The following MOV10 variants were observed in gnomAD, a reference collection of about 807,000 sequenced individuals.
The protein encoded by MOV10 is Mov10 RNA helicase.
In MOV10, 39 loss-of-function variants were observed where a neutral mutation model predicts 108.4. That is an observed-to-expected ratio of 0.36 (90% CI 0.28 to 0.47). The LOEUF (loss-of-function observed/expected upper bound fraction) is 0.47, where lower values mean the gene tolerates loss of function less well. Among genes scored for constraint, MOV10 ranks in the 20% least tolerant of loss-of-function variants. MOV10 has a pLI of 1.00. For synonymous variants in MOV10, 490 were observed against 523.1 expected (o/e 0.94, Z 0.86); for missense variants, 952 against 1,297.6 (o/e 0.73, Z 4.09).
Position 112,698,714 on chromosome 1 carries a change from G to C in MOV10, c.2509-1G>C, listed in dbSNP as rs1342877477. 6.2e-7 allele frequency: 1 copy of C among 1,614,024 alleles called. No individual in the cohort carries two copies. Among genetic ancestry groups the C allele is most frequent in the Admixed American group, 1.7e-5 (1 of 60,022 alleles). On this transcript the variant is annotated splice_acceptor_variant, in intron 16 of 20. Transcript: ENST00000369645. LOFTEE classifies it high-confidence loss of function. ...GAAAGGCACCTGTCCCCTCCTTCCA[G>C]GTGGAGAAAATCCGTTACTGCATCA...
At position 112,685,854 on chromosome 1, in the gene MOV10, T is replaced by C. The variant is rs147984044; in HGVS notation, c.138-3081T>C. On this transcript the variant is annotated intron_variant, in intron 2 of 20. Coordinates refer to ENST00000369645, the MANE Select transcript of MOV10 (RefSeq NM_001321324.2). ...AGTGATGAGAGACATAGAGAATAATTTGAGAAATATTTAGGGATAGCATCT... is the reference window on the plus strand; with the variant it reads ...AGTGATGAGAGACATAGAGAATAATCTGAGAAATATTTAGGGATAGCATCT... Among the ~76,000 whole-genome samples the C allele has an allele frequency of 8.2e-3, 1,243 of 152,176 alleles. 13 individuals carry two copies. The highest frequency in any genetic ancestry group is 0.027 in the African/African-American group (1,113 of 41,526).
chr1:112,697,019 T>C (rs1570806998), intron 14 of MOV10, among the ~76,000 whole-genome samples, 173 bp downstream of exon 14: 1 of 152,224 alleles, frequency 6.6e-6, no homozygotes, highest in African/African-American at 2.4e-5. Context: ...CTGCTTGTTG[T>C]CTGCGTGACT....
Position 112,682,924 on chromosome 1 carries a change from T to TG in MOV10, c.138-6011_138-6010insG, listed in dbSNP as rs1379288818. On this transcript the variant is annotated intron_variant, in intron 2 of 20. Coordinates refer to ENST00000369645, the MANE Select transcript of MOV10 (RefSeq NM_001321324.2). Reference sequence around the variant, plus strand: ...TGAATGAAGCTCCTAGGAACATCTTTTTTTTTTTTTTTTGAGACGGAGTCT... The same window carrying TG: ...TGAATGAAGCTCCTAGGAACATCTTTGTTTTTTTTTTTTTGAGACGGAGTCT... Among the ~76,000 whole-genome samples, 3 of 150,276 alleles carry TG rather than the reference T, an allele frequency of 2.0e-5. No homozygotes were observed. In the East Asian group the frequency reaches 5.8e-4, roughly 29 times the overall value.
intron 7 of MOV10, chr1:112,693,758 C>A (rs762096928): frequency 2.2e-5 from 7 of 323,250 alleles, no homozygotes; most frequent in Non-Finnish European, 4.1e-5. Flanking sequence ...CTGAGCTGGC[C>A]AAGAGGGCAG....
Position 112,696,878 on chromosome 1 carries a change from T to G in MOV10, c.2198+32T>G, listed in dbSNP as rs202200340. On this transcript the variant is annotated intron_variant, in intron 14 of 20. Coordinates refer to ENST00000369645, the MANE Select transcript of MOV10 (RefSeq NM_001321324.2). The stretch of plus-strand genomic sequence containing the variant: ...CCATGCCCTTGCCTCCCCTGCCATA[T>G]CCTATGCTTTCACATCCTGCATGCA... The G allele has an allele frequency of 5.6e-5, 86 of 1,528,884 alleles. 1 individual carries two copies. The East Asian group carries it at 7.4e-4, about 13-fold the overall frequency. 94.7% of individuals were successfully genotyped at this position (1,528,884 alleles called of 1,614,324 possible).
At chr1:112,693,917 C>A in intron 7 of MOV10, 101 bp from the exon 8 acceptor site, 1 of 1,010,608 alleles carries the variant, frequency 9.9e-7, no homozygotes. Context: ...GTTAGAAGGC[C>A]AGTCTCAGTC....
At position 112,691,549 on chromosome 1, in the gene MOV10, T is replaced by A; in HGVS notation, c.837-116T>A. On this transcript the variant is annotated intron_variant, in intron 5 of 20. Transcript: ENST00000369645. ...TAGTCCACCCTTGGAGCGAGGCTGCTGACTTCCCTTCAGCAGTAGGATTGC... is the reference window on the plus strand; with the variant it reads ...TAGTCCACCCTTGGAGCGAGGCTGCAGACTTCCCTTCAGCAGTAGGATTGC... 6 of 1,345,106 alleles carry A rather than the reference T, an allele frequency of 4.5e-6. No individual in the cohort carries two copies. The South Asian group carries it at 8.6e-5, about 19-fold the overall frequency. 83.3% of individuals were successfully genotyped at this position (1,345,106 alleles called of 1,614,324 possible). A position where few individuals can be genotyped will look rare whatever the true frequency, so the allele number is the denominator to read the frequency against.
At chr1:112,698,863 G>A (rs1674360736) in intron 17 of MOV10, 74 bp downstream of exon 17, 6 of 1,303,012 alleles carry the variant, frequency 4.6e-6, no homozygotes, top group Non-Finnish European at 6.7e-6. Flanking sequence ...ACTTCCTCAA[G>A]CTTCCACTCC....
chr1:112,686,252 G>A (rs1673072728), intron 2 of MOV10, among the ~76,000 whole-genome samples: 2 of 152,204 alleles, frequency 1.3e-5, no homozygotes, highest in South Asian at 4.1e-4. Context: ...TGAAAGGGCT[G>A]CAAGGATCAA....
At chr1:112,679,748 A>G (rs1404172603) in intron 2 of MOV10, among the ~76,000 whole-genome samples, 1 of 152,146 alleles carries the variant, frequency 6.6e-6, no homozygotes, top group Non-Finnish European at 1.5e-5. Flanking sequence ...AGAGAAATGC[A>G]CAGTTTAAAA....
At chr1:112,693,818 G>A (rs576978404) in intron 7 of MOV10, 200 bp from the exon 8 acceptor site, 16 of 517,720 alleles carry the variant, frequency 3.1e-5, no homozygotes, top group South Asian at 1.5e-4. Context: ...GGGCAGCTTC[G>A]GAGGATTTGT....
At chr1:112,684,418 C>T (rs778123841) in intron 2 of MOV10, among the ~76,000 whole-genome samples, 22 of 152,012 alleles carry the variant, frequency 1.4e-4, no homozygotes, top group Non-Finnish European at 2.9e-4. Flanking sequence ...GAGGTGCCTG[C>T]CACCATGCCC....
chr1:112,694,146 C>T lies in MOV10; in HGVS notation c.1269C>T (p.Asp423=), dbSNP rs1673844485. ...GCTTTGTGCACAAGGTGGAATTGGACCGTGTCAAGCTGAGCTTTTCCATGA... is the reference window on the plus strand; with the variant it reads ...GCTTTGTGCACAAGGTGGAATTGGATCGTGTCAAGCTGAGCTTTTCCATGA... ...YKGFVHKVEL[D]RVKLSFSMSL... is the part of the protein sequence containing the mutation. The change falls in exon 8 of 21, where the codon GAC becomes GAT. Residue 423 remains aspartate (D), a synonymous_variant. Transcript: ENST00000369645. This position sits in a 1 kb window ranked among gnomAD's most constrained non-coding sequence, Gnocchi z 4.1. 6.2e-7 allele frequency: 1 copy of T among 1,614,104 alleles called. No homozygotes were observed. The highest frequency in any genetic ancestry group is 8.5e-7 in the Non-Finnish European group (1 of 1,180,000).
chr1:112,699,552 A>C, intron 17 of MOV10, 133 bp from the exon 18 acceptor site: 1 of 1,511,594 alleles, frequency 6.6e-7, no homozygotes, highest in East Asian at 2.3e-5. Flanking sequence ...GCCGTGTCGC[A>C]GCACTGGTTC....
chr1:112,681,684 A>G (rs914757361), intron 2 of MOV10, among the ~76,000 whole-genome samples: 1 of 151,970 alleles, frequency 6.6e-6, no homozygotes, highest in Non-Finnish European at 1.5e-5. Context: ...CCTTACCTAG[A>G]TTTCTTTTAA....
intron 5 of MOV10, 55 bp downstream of exon 5, chr1:112,690,153 C>A (rs1673455924): frequency 1.1e-5 from 17 of 1,586,970 alleles, no homozygotes; most frequent in Non-Finnish European, 1.3e-5. Context: ...ACCACATGGG[C>A]CAGGGCTTTG....
chr1:112,689,112 A>G lies in MOV10; in HGVS notation c.315A>G (p.Ser105=), dbSNP rs770210302. ...CAGATATCAGCAAACACCACAAGTCACTGCTAGCCAAGATCTTTTATGACA... is the reference window on the plus strand; with the variant it reads ...CAGATATCAGCAAACACCACAAGTCGCTGCTAGCCAAGATCTTTTATGACA... The part of the protein sequence containing the change: ...LGSDISKHHK[S]LLAKIFYDRA... Residue 105 remains serine (S), a synonymous_variant, in exon 3 of 21, where the codon TCA becomes TCG. Transcript: ENST00000369645. 1 of 1,608,108 alleles carries G rather than the reference A, an allele frequency of 6.2e-7. No homozygotes were observed. Among genetic ancestry groups the G allele is most frequent in the Admixed American group, 1.7e-5 (1 of 59,072 alleles).
intron 19 of MOV10, 43 bp downstream of exon 19, chr1:112,700,025 CCT>C: frequency 3.7e-6 from 6 of 1,610,940 alleles, no homozygotes; most frequent in Non-Finnish European, 4.2e-6. Flanking sequence ...GGCCACAGCC[CCT>C]GCCTAGGGCA....
At chr1:112,692,646 T>C in intron 6 of MOV10, 115 bp from the exon 7 acceptor site, 1 of 1,385,622 alleles carries the variant, frequency 7.2e-7, no homozygotes, top group Non-Finnish European at 9.7e-7. Context: ...CTTCTCTGCT[T>C]TTTGACGCTA....
Sources: allele counts gnomAD v4.1 joint callset (sites outside exome capture counted in the v4.1 genomes callset), GRCh38; gene constraint gnomAD v4.1.1; non-coding constraint Gnocchi (gnomAD v3.1); transcripts MANE v1.5; gene names NCBI Gene and HGNC (gene_info 2026-07-23, HGNC 2026-07-21).